GXYLT1: variants seen among roughly 807,000 people sequenced by gnomAD.
GXYLT1 encodes glycosyltransferase 8 domain containing 3.
A neutral mutation model predicts 54.0 loss-of-function variants in GXYLT1; 29 were observed. The observed-to-expected ratio is 0.54, with a 90% confidence interval of 0.40 to 0.73. The LOEUF (loss-of-function observed/expected upper bound fraction) is 0.73. Ranked by LOEUF, GXYLT1 falls within the 30% of genes least tolerant of loss-of-function variation. The pLI is 0.00. For synonymous variants in GXYLT1, 176 were observed against 204.1 expected (o/e 0.86, Z 1.17); for missense variants, 490 against 553.4 (o/e 0.89, Z 1.15).
intron 2 of GXYLT1, among the ~76,000 whole-genome samples, chr12:42,129,274 C>T (rs911575501): frequency 6.6e-6 from 1 of 152,152 alleles, no homozygotes; most frequent in South Asian, 2.1e-4. Flanking sequence ...AAGAAGTAGC[C>T]AGGAGCTGCT....
At position 42,132,687 on chromosome 12, in the gene GXYLT1, C is replaced by A. The variant is rs79886766; in HGVS notation, c.222-2836G>T. 4.4e-3 allele frequency among the ~76,000 whole-genome samples: 675 copies of A among 152,278 alleles called. 5 individuals are homozygous for A. The highest frequency in any genetic ancestry group is 7.6e-3 in the Non-Finnish European group (520 of 68,024). ...GAGCTAGAGAGCACACCTCAAACTC[C>A]CTGTTCTCAGGAAATATCCACCAGG... On this transcript the variant is annotated intron_variant, in intron 1 of 7. Transcript: ENST00000398675.
chr12:42,098,760 C>T (rs1184740602), intron 5 of GXYLT1, among the ~76,000 whole-genome samples: 21 of 96,908 alleles, frequency 2.2e-4, no homozygotes, highest in East Asian at 1.5e-3. Context: ...AAATTTAAAA[C>T]ATATATATAT....
intron 5 of GXYLT1, among the ~76,000 whole-genome samples, chr12:42,104,505 G>A (rs2065408221): frequency 6.6e-6 from 1 of 150,386 alleles, no homozygotes; most frequent in Admixed American, 6.6e-5. Context: ...AGTTGTGGGA[G>A]ACAAAACTAA....
intron 7 of GXYLT1, among the ~76,000 whole-genome samples, chr12:42,089,905 T>C (rs958153261): frequency 2.6e-5 from 4 of 152,176 alleles, no homozygotes; most frequent in East Asian, 3.8e-4. Flanking sequence ...CAAAAAACAC[T>C]TGAACAACTG....
chr12:42,087,533 T>G lies in GXYLT1; in HGVS notation c.*253A>C. The G allele has an allele frequency of 2.7e-6, 1 of 365,596 alleles. No homozygotes were observed. Among genetic ancestry groups the G allele is most frequent in the Non-Finnish European group, 5.0e-6 (1 of 201,932 alleles). 22.6% of individuals were successfully genotyped at this position (365,596 alleles called of 1,614,324 possible). ...TCTGCAGGTTAAACCCATTCAATAGTATTTTCATCAATACTGGAATGATAG... is the reference window on the plus strand; with the variant it reads ...TCTGCAGGTTAAACCCATTCAATAGGATTTTCATCAATACTGGAATGATAG... On this transcript the variant is annotated 3_prime_UTR_variant, in exon 8 of 8. Coordinates refer to ENST00000398675, the MANE Select transcript of GXYLT1 (RefSeq NM_173601.2).
chr12:42,097,841 T>C (rs1592103687), intron 6 of GXYLT1, 69 bp downstream of exon 6: 1 of 1,195,104 alleles, frequency 8.4e-7, no homozygotes, highest in Non-Finnish European at 1.2e-6. Context: ...GATAAGTGCA[T>C]GTTTTCCTTT....
chr12:42,140,080 C>A (rs2065642794), intron 1 of GXYLT1, among the ~76,000 whole-genome samples: 1 of 148,684 alleles, frequency 6.7e-6, no homozygotes, highest in African/African-American at 2.5e-5. Flanking sequence ...ACTTGGGAGG[C>A]TGAGGCAGGA....
chr12:42,118,053 A>G (rs2065507620), intron 3 of GXYLT1, among the ~76,000 whole-genome samples: 1 of 152,226 alleles, frequency 6.6e-6, no homozygotes. Flanking sequence ...AGACGAAGCC[A>G]GAGTATCTGA....
intron 3 of GXYLT1, among the ~76,000 whole-genome samples, chr12:42,116,956 T>G (rs578184445): frequency 2.0e-5 from 3 of 151,786 alleles, no homozygotes; most frequent in Non-Finnish European, 4.4e-5. Context: ...CCATAAAAAA[T>G]GATGAGTTCA....
intron 3 of GXYLT1, among the ~76,000 whole-genome samples, chr12:42,112,501 G>A (rs1396946432): frequency 6.6e-6 from 1 of 152,192 alleles, no homozygotes; most frequent in Non-Finnish European, 1.5e-5. Flanking sequence ...AAATGCAGAA[G>A]CCTCAGTAGC....
chr12:42,105,676 A>G, intron 5 of GXYLT1, 142 bp downstream of exon 5: 1 of 598,044 alleles, frequency 1.7e-6, no homozygotes, highest in Non-Finnish European at 2.8e-6. Context: ...AAATCTAGAT[A>G]TTTATATTCT....
intron 1 of GXYLT1, among the ~76,000 whole-genome samples, chr12:42,134,193 C>G (rs1209726970): frequency 6.6e-6 from 1 of 151,530 alleles, no homozygotes. Context: ...AGAGTGAGAC[C>G]CTCTCTGACA....
chr12:42,099,258 CAGG>C (rs2065375897), intron 5 of GXYLT1, among the ~76,000 whole-genome samples: 1 of 152,172 alleles, frequency 6.6e-6, no homozygotes, highest in African/African-American at 2.4e-5. Context: ...ACACTGTTTT[CAGG>C]AGGAGACCAT....
chr12:42,098,383 T>G lies in GXYLT1; in HGVS notation c.865-350A>C, dbSNP rs79459543. On this transcript the variant is annotated intron_variant, in intron 5 of 7. Coordinates refer to ENST00000398675, the MANE Select transcript of GXYLT1 (RefSeq NM_173601.2). ...TGTTAATATATAAATTTAAAGTGCT[T>G]GGAATAGCACCTGACACGTGGTAAA... 8.8e-3 allele frequency among the ~76,000 whole-genome samples: 1,333 copies of G among 152,274 alleles called. 14 individuals carry two copies. Among genetic ancestry groups the G allele is most frequent in the African/African-American group, 0.031 (1,291 of 41,560 alleles).
chr12:42,133,813 G>T (rs1057232450), intron 1 of GXYLT1, among the ~76,000 whole-genome samples: 1 of 152,148 alleles, frequency 6.6e-6, no homozygotes, highest in African/African-American at 2.4e-5. Context: ...TGTCATTTCA[G>T]ATACTGCAAG....
chr12:42,087,629 C>T lies in GXYLT1; in HGVS notation c.*157G>A. The T allele has an allele frequency of 3.6e-6, 2 of 554,334 alleles. No individual in the cohort carries two copies. The highest frequency in any genetic ancestry group is 6.6e-5 in the East Asian group (2 of 30,420). 34.3% of individuals were successfully genotyped at this position (554,334 alleles called of 1,614,324 possible). ...AGGCCCAAGATTTTAACTTATTCTT[C>T]ATTACCTGAAAATACTGCTTACTTA... On this transcript the variant is annotated 3_prime_UTR_variant, in exon 8 of 8. Coordinates refer to ENST00000398675, the MANE Select transcript of GXYLT1 (RefSeq NM_173601.2).
At position 42,144,679 on chromosome 12, in the gene GXYLT1, GC is replaced by G. The variant is rs1260287090; in HGVS notation, c.-34del. ...GCCGCGCTCCTCCTTCGCCGCCGCC[GC>G]CGCGCCCGCCCCGACGAACTGGAGC... On this transcript the variant is annotated 5_prime_UTR_variant, in exon 1 of 8. Transcript: ENST00000398675. The G allele has an allele frequency of 7.3e-7, 1 of 1,371,976 alleles. No homozygotes were observed. The allele number at this position is 1,371,976 out of a possible 1,614,324, so 85.0% of individuals were successfully genotyped here. A position where few individuals can be genotyped will look rare whatever the true frequency, so the allele number is the denominator to read the frequency against.
In GXYLT1 at chr12:42,144,805, C is replaced by A. The variant is rs1013028316; in HGVS notation, c.-159G>T. The A allele has an allele frequency of 6.7e-6, 3 of 450,728 alleles. No homozygotes were observed. Among genetic ancestry groups the A allele is most frequent in the Admixed American group, 9.3e-5 (2 of 21,454 alleles). 27.9% of individuals were successfully genotyped at this position (450,728 alleles called of 1,614,324 possible). ...CTCCCTTCCTTCCCTCCCCGCCCACCACCTAGGCGAGCGCAGTCGCGGCTC... is the reference window on the plus strand; with the variant it reads ...CTCCCTTCCTTCCCTCCCCGCCCACAACCTAGGCGAGCGCAGTCGCGGCTC... On this transcript the variant is annotated 5_prime_UTR_variant, in exon 1 of 8. Coordinates refer to ENST00000398675, the MANE Select transcript of GXYLT1 (RefSeq NM_173601.2).
rs189579086 is a variant in GXYLT1, at chr12:42,095,680, T to C, written c.1161+1762A>G. On this transcript the variant is annotated intron_variant, in intron 7 of 7. Transcript: ENST00000398675. The stretch of plus-strand genomic sequence containing the variant: ...AACAGGTTACATCTGAGTAAACCCT[T>C]ATGTTATTCTGACTTTGTGAAGTAT... 4.6e-5 allele frequency among the ~76,000 whole-genome samples: 7 copies of C among 152,186 alleles called. No homozygotes were observed. The East Asian group carries it at 9.6e-4, about 21-fold the overall frequency.
Sources: gnomAD v4.1 joint callset for allele counts (sites outside exome capture counted in the v4.1 genomes callset) on GRCh38, gnomAD v4.1.1 for gene constraint, MANE v1.5 for transcripts, NCBI Gene and HGNC (gene_info 2026-07-23, HGNC 2026-07-21) for gene names.